The following MEF2C variants were observed in gnomAD, a reference collection of about 807,000 sequenced individuals.
MEF2C encodes the protein myocyte-specific enhancer factor 2C.
A neutral mutation model predicts 50.5 loss-of-function variants in MEF2C; 6 were observed. The observed-to-expected ratio is 0.12, with a 90% CI of 0.07 to 0.23. The LOEUF is 0.23. Ranked by LOEUF, MEF2C falls within the 10% of genes least tolerant of loss-of-function variation. The probability of loss-of-function intolerance (pLI) is 1.00; values close to 1 mark genes in which losing one functional copy is unlikely to be tolerated. For synonymous variants in MEF2C, 183 were observed against 228.0 expected, an observed-to-expected ratio of 0.80 and a Z score of 1.78; for missense variants, 276 against 605.0, an observed-to-expected ratio of 0.46 and a Z score of 5.70.
intron 2 of MEF2C, among the ~76,000 whole-genome samples, chr5:88,818,791 C>T (rs1333776147): frequency 6.6e-6 from 1 of 151,840 alleles, no homozygotes; most frequent in South Asian, 2.1e-4. Context: ...CTCCTCAATA[C>T]CCTTTTAAAA....
At chr5:88,763,035 A>G (rs546736120) in intron 3 of MEF2C, among the ~76,000 whole-genome samples, 4 of 152,334 alleles carry the variant, frequency 2.6e-5, no homozygotes, top group Admixed American at 1.3e-4. Flanking sequence ...GGCACTGAAT[A>G]TTTTCACTTA....
chr5:88,806,775 CA>C (rs1581016137), intron 2 of MEF2C, among the ~76,000 whole-genome samples: 1 of 151,746 alleles, frequency 6.6e-6, no homozygotes, highest in East Asian at 1.9e-4. Context: ...ATAAAATATG[CA>C]AAATAAAAAA....
chr5:88,742,191 C>T (rs940298228), intron 6 of MEF2C: 1 of 985,352 alleles, frequency 1.0e-6, no homozygotes. Flanking sequence ...CCCCCTTCAG[C>T]ATCTGCTCTC....
intron 3 of MEF2C, among the ~76,000 whole-genome samples, chr5:88,787,972 T>C (rs1199512871): frequency 6.6e-6 from 1 of 152,210 alleles, no homozygotes; most frequent in East Asian, 1.9e-4. Context: ...ACAAATATTC[T>C]GTTCCTTGGA....
chr5:88,741,720 C>A, intron 6 of MEF2C: 1 of 983,164 alleles, frequency 1.0e-6, no homozygotes, highest in South Asian at 4.7e-5. Flanking sequence ...ACAACATAAT[C>A]GGTTCTTTAT....
At chr5:88,748,379 T>G (rs75997803) in intron 6 of MEF2C, among the ~76,000 whole-genome samples, 4,190 of 152,326 alleles carry the variant, frequency 0.028, 89 homozygotes, top group Non-Finnish European at 0.043. Context: ...AATAGTGAAC[T>G]GCAGTTGGCA....
At chr5:88,879,491 C>A (rs760035723) in intron 1 of MEF2C, among the ~76,000 whole-genome samples, 3 of 151,606 alleles carry the variant, frequency 2.0e-5, no homozygotes, top group Non-Finnish European at 4.4e-5. Context: ...TATTTGGTAA[C>A]AGAATAACAT....
chr5:88,733,565 G>A, intron 6 of MEF2C: 1 of 985,320 alleles, frequency 1.0e-6, no homozygotes, highest in Non-Finnish European at 1.2e-6. Context: ...AACTGGGAAG[G>A]CAGAGCAAAG....
exon 1 of MEF2C, chr5:88,903,919 T>G (rs1178230359): frequency 6.6e-6 from 1 of 151,790 alleles, no homozygotes. Flanking sequence ...AACTCACCAG[T>G]GCCTTTCTGC....
At chr5:88,844,332 G>C (rs1045506461) in intron 1 of MEF2C, among the ~76,000 whole-genome samples, 1 of 152,150 alleles carries the variant, frequency 6.6e-6, no homozygotes, top group Non-Finnish European at 1.5e-5. Flanking sequence ...TTTGAGATAA[G>C]GGAGGCTGAC....
intron 1 of MEF2C, among the ~76,000 whole-genome samples, chr5:88,868,992 G>A (rs962975496): frequency 2.0e-5 from 3 of 151,444 alleles, no homozygotes; most frequent in African/African-American, 2.4e-5. Flanking sequence ...TTTTCTTTAC[G>A]AATTAAGAAA....
rs1488023231 is a variant in MEF2C at position 88,741,156 on chromosome 5, T to C, written c.637+7914A>G. 42 of 985,310 alleles carry C rather than the reference T, an allele frequency of 4.3e-5. 1 individual carries two copies. The highest frequency in any genetic ancestry group is 4.9e-5 in the Non-Finnish European group (41 of 829,916). The allele number at this position is 985,310 out of a possible 1,614,324, so 61.0% of individuals were successfully genotyped here. A position where few individuals can be genotyped will look rare whatever the true frequency, so the allele number is the denominator to read the frequency against. ...AGGAGCCCCGTGCTGGACATCTCTG[T>C]GAAGCCTACTGGTGTGCTCCCTTCA... On this transcript the variant is annotated intron_variant, in intron 6 of 10. Coordinates refer to ENST00000504921, the MANE Select transcript of MEF2C (RefSeq NM_002397.5).
intron 1 of MEF2C, among the ~76,000 whole-genome samples, chr5:88,855,717 C>A (rs1025656159): frequency 6.6e-6 from 1 of 152,218 alleles, no homozygotes; most frequent in Non-Finnish European, 1.5e-5. Context: ...GGCACTCATT[C>A]TCTTTCCTGC....
rs549583561 is a variant in MEF2C at position 88,864,605 on chromosome 5, T to A, written c.-143+18350A>T. Among the ~76,000 whole-genome samples, 56 of 151,782 alleles carry A rather than the reference T, an allele frequency of 3.7e-4. No individual in the cohort carries two copies. The South Asian group carries it at 8.3e-3, about 22-fold the overall frequency. ...CAAATTATATATATGTATATTTATA[T>A]ATTTAGAGACCAGGCCTTACTCTGT... On this transcript the variant is annotated intron_variant, in intron 1 of 10. Coordinates refer to ENST00000504921, the MANE Select transcript of MEF2C (RefSeq NM_002397.5).
At chr5:88,847,355 A>T (rs1389059335) in intron 1 of MEF2C, among the ~76,000 whole-genome samples, 1 of 152,204 alleles carries the variant, frequency 6.6e-6, no homozygotes, top group Admixed American at 6.5e-5. Context: ...TCTATTAAAA[A>T]TTTATCACTT....
At chr5:88,876,063 GTTTTTTT>G (rs33921751) in intron 1 of MEF2C, among the ~76,000 whole-genome samples, 1 of 122,634 alleles carries the variant, frequency 8.2e-6, no homozygotes, top group African/African-American at 3.0e-5. Context: ...AGTAACTGGA[GTTTTTTT>G]TTTTTTTTTT....
intron 1 of MEF2C, among the ~76,000 whole-genome samples, chr5:88,867,553 A>G (rs958030101): frequency 1.9e-4 from 29 of 152,216 alleles, no homozygotes; most frequent in African/African-American, 6.3e-4. Flanking sequence ...ATAGTGCTCA[A>G]GTATACGGTA....
intron 3 of MEF2C, among the ~76,000 whole-genome samples, chr5:88,789,964 A>G (rs1036129600): frequency 1.3e-5 from 2 of 152,220 alleles, no homozygotes; most frequent in African/African-American, 2.4e-5. Flanking sequence ...AGTTATGGGT[A>G]CTACTATCTC....
At chr5:88,858,284 T>C (rs1401738740) in intron 1 of MEF2C, among the ~76,000 whole-genome samples, 1 of 152,184 alleles carries the variant, frequency 6.6e-6, no homozygotes, top group Non-Finnish European at 1.5e-5. Context: ...CTGTCTCTCA[T>C]ATAGGAATTC....
Sources: allele counts gnomAD v4.1 joint callset (sites outside exome capture counted in the v4.1 genomes callset), GRCh38; gene constraint gnomAD v4.1.1; transcripts MANE v1.5; gene names NCBI Gene and HGNC (gene_info 2026-07-23, HGNC 2026-07-21).